ATG7: variants seen among roughly 807,000 people sequenced by gnomAD.
ATG7 encodes the protein ubiquitin-like modifier-activating enzyme ATG7.
ATG7 carries 70 observed loss-of-function variants against 82.4 expected under a neutral mutation model. The ratio of observed to expected loss-of-function variants is 0.85; its 90% CI spans 0.70 to 1.04. ATG7 has a LOEUF of 1.04. ATG7 is among the 50% of genes least tolerant of loss of function. The pLI, the probability that ATG7 is intolerant of heterozygous loss-of-function variation, is 0.00. For missense variants in ATG7, 792 were observed against 864.3 expected (o/e 0.92, Z 1.05); for synonymous variants, 287 against 313.0 (o/e 0.92, Z 0.88).
intron 19 of ATG7, among the ~76,000 whole-genome samples, chr3:11,388,141 G>A (rs2152863586): frequency 6.6e-6 from 1 of 152,216 alleles, no homozygotes; most frequent in South Asian, 2.1e-4. Context: ...CACCATGGCT[G>A]CCCCTATGGC....
chr3:11,450,350 C>T (rs1043872397), intron 20 of ATG7, among the ~76,000 whole-genome samples: 5 of 152,166 alleles, frequency 3.3e-5, no homozygotes, highest in African/African-American at 4.8e-5. Flanking sequence ...CAGGCCTTCA[C>T]GTGTTTGACC....
At position 11,500,757 on chromosome 3, in the gene ATG7, A is replaced by G. The variant is rs2091262866; in HGVS notation, c.2080-54054A>G. Among the ~76,000 whole-genome samples the G allele has an allele frequency of 2.6e-5, 4 of 152,258 alleles. 1 individual carries two copies. The South Asian group carries it at 8.3e-4, about 32-fold the overall frequency. ...GCAATTCTCCTGCCTCAGCCTCCAG[A>G]GTAGCTGGGACTACAGGCGTGCGCC... On this transcript the variant is annotated intron_variant, in intron 20 of 20. Coordinates refer to ENST00000693202, the MANE Select transcript of ATG7 (RefSeq NM_001349232.2).
At chr3:11,370,349 C>T (rs2245381) in intron 18 of ATG7, among the ~76,000 whole-genome samples, 17,813 of 150,736 alleles carry the variant, frequency 0.12, 1,613 homozygotes, top group South Asian at 0.23. Flanking sequence ...AGCTTAATAG[C>T]GAGAGTTGGG....
At chr3:11,308,681 A>G (rs1050662942) in intron 6 of ATG7, 2 of 434,412 alleles carry the variant, frequency 4.6e-6, no homozygotes, top group African/African-American at 4.0e-5. Context: ...CAATAAGTAA[A>G]TATTTGCTGA....
At chr3:11,409,249 T>C (rs1356281319) in intron 19 of ATG7, among the ~76,000 whole-genome samples, 1 of 152,254 alleles carries the variant, frequency 6.6e-6, no homozygotes, top group African/African-American at 2.4e-5. Flanking sequence ...TAGGCATTCA[T>C]TAGAAACATA....
At chr3:11,453,803 G>T (rs1442404969) in intron 20 of ATG7, among the ~76,000 whole-genome samples, 1 of 152,188 alleles carries the variant, frequency 6.6e-6, no homozygotes, top group Admixed American at 6.5e-5. Context: ...CCTCAGTGAT[G>T]GGGGAGTGCA....
chr3:11,430,576 A>G (rs181306768), intron 20 of ATG7, among the ~76,000 whole-genome samples: 8 of 152,352 alleles, frequency 5.3e-5, no homozygotes, highest in Non-Finnish European at 7.3e-5. Context: ...ATGTGACATT[A>G]CCATTATATA....
intron 20 of ATG7, among the ~76,000 whole-genome samples, chr3:11,474,409 G>C (rs894534413): frequency 6.6e-6 from 1 of 152,200 alleles, no homozygotes; most frequent in Non-Finnish European, 1.5e-5. Context: ...AGACCAGCCT[G>C]GGCAACATGG....
At chr3:11,391,021 C>T (rs906553199) in intron 19 of ATG7, among the ~76,000 whole-genome samples, 6 of 152,086 alleles carry the variant, frequency 3.9e-5, no homozygotes, top group Non-Finnish European at 7.3e-5. Flanking sequence ...AATAAGAGCT[C>T]GTGTGATGGG....
At chr3:11,542,068 G>T (rs758096826) in intron 20 of ATG7, among the ~76,000 whole-genome samples, 2 of 152,086 alleles carry the variant, frequency 1.3e-5, no homozygotes, top group African/African-American at 4.8e-5. Flanking sequence ...GGGATGCAGC[G>T]GAGAGGCTGG....
At chr3:11,313,170 AT>A (rs1356815715) in intron 7 of ATG7, 133 bp from the exon 8 acceptor site, 1 of 519,184 alleles carries the variant, frequency 1.9e-6, no homozygotes, top group Non-Finnish European at 3.3e-6. Context: ...GGATGAGGAT[AT>A]TTGATAAGCT....
At chr3:11,534,002 G>A (rs1324305071) in intron 20 of ATG7, among the ~76,000 whole-genome samples, 3 of 152,162 alleles carry the variant, frequency 2.0e-5, no homozygotes, top group Non-Finnish European at 2.9e-5. Flanking sequence ...CAAAGGAAAA[G>A]TCCAGAATTT....
At chr3:11,481,016 A>C (rs867237919) in intron 20 of ATG7, among the ~76,000 whole-genome samples, 1 of 152,244 alleles carries the variant, frequency 6.6e-6, no homozygotes, top group African/African-American at 2.4e-5. Flanking sequence ...GGATACTATT[A>C]GTCTTCAGTT....
rs66794993 is a variant in ATG7, at chr3:11,533,539, T to TAAAA, written c.2080-21258_2080-21255dup. ...CCACAGAGAAAAATCCCCCTTCTGTTAAAAAAAAAAAAAAAAAGCCATTAC... is the reference window on the plus strand; with the variant it reads ...CCACAGAGAAAAATCCCCCTTCTGTTAAAAAAAAAAAAAAAAAAAAAGCCATTAC... On this transcript the variant is annotated intron_variant, in intron 20 of 20. Transcript: ENST00000693202. 2.2e-3 allele frequency among the ~76,000 whole-genome samples: 282 copies of TAAAA among 126,652 alleles called. 4 individuals are homozygous for TAAAA. Among genetic ancestry groups the TAAAA allele is most frequent in the African/African-American group, 7.2e-3 (239 of 33,208 alleles). 83.1% of individuals were successfully genotyped at this position (126,652 alleles called of 152,430 possible).
the ATG7 span, among the ~76,000 whole-genome samples, chr3:11,573,277 A>G: frequency 0.38 from 8,843 of 23,372 alleles, 1,367 homozygotes; most frequent in South Asian, 0.56. Flanking sequence ...GAAAGAAAGA[A>G]AGAAAGAAAG....
At chr3:11,416,349 T>C (rs1381935052) in intron 19 of ATG7, among the ~76,000 whole-genome samples, 1 of 152,192 alleles carries the variant, frequency 6.6e-6, no homozygotes, top group African/African-American at 2.4e-5. Flanking sequence ...GCTTTCTATT[T>C]GGGAAGGTTA....
chr3:11,571,740 TCCATGGACC>T, the ATG7 span, among the ~76,000 whole-genome samples: 1 of 152,168 alleles, frequency 6.6e-6, no homozygotes, highest in African/African-American at 2.4e-5. Context: ...AGAAATCAAC[TCCATGGACC>T]CGGCAACACA....
chr3:11,389,232 C>CCAAA (rs1553639557), intron 19 of ATG7, among the ~76,000 whole-genome samples: 2 of 57,252 alleles, frequency 3.5e-5, no homozygotes, highest in Non-Finnish European at 5.8e-5. Flanking sequence ...GACCCTGTCT[C>CCAAA]AAAAAAAAAA....
intron 19 of ATG7, among the ~76,000 whole-genome samples, chr3:11,409,455 T>C (rs573178492): frequency 1.3e-5 from 2 of 152,360 alleles, no homozygotes; most frequent in East Asian, 1.9e-4. Flanking sequence ...ATAAATGTTC[T>C]GAACACGTTT....
Sources: allele counts gnomAD v4.1 joint callset (sites outside exome capture counted in the v4.1 genomes callset), GRCh38; gene constraint gnomAD v4.1.1; transcripts MANE v1.5; gene names NCBI Gene and HGNC (gene_info 2026-07-23, HGNC 2026-07-21).